VPS37A: variants seen among roughly 807,000 people sequenced by gnomAD.
VPS37A encodes VPS37A subunit of ESCRT-I.
Under a neutral mutation model 49.8 loss-of-function variants are expected in VPS37A, and 30 were observed. That is an observed-to-expected ratio of 0.60 (90% CI 0.45 to 0.82). The LOEUF (loss-of-function observed/expected upper bound fraction) is 0.82, where lower values mean the gene tolerates loss of function less well. Ranked by LOEUF, VPS37A falls within the 40% of genes least tolerant of loss-of-function variation. The pLI is 0.00. For synonymous variants in VPS37A, 195 were observed against 160.6 expected (o/e 1.21, Z -1.62); for missense variants, 593 against 464.4 (o/e 1.28, Z -2.55).
chr8:17,272,812 A>T (rs896417128), intron 4 of VPS37A, among the ~76,000 whole-genome samples: 1 of 151,258 alleles, frequency 6.6e-6, no homozygotes, highest in Non-Finnish European at 1.5e-5. Context: ...CCTGGCTCAA[A>T]ATTCAAAAAG....
At chr8:17,311,726 C>A in the VPS37A span, 1 of 1,571,026 alleles carries the variant, frequency 6.4e-7, no homozygotes, top group Non-Finnish European at 8.6e-7. Flanking sequence ...TGTATATTTA[C>A]AGAAAGAAAC....
chr8:17,307,286 T>A (rs1213033376), downstream of VPS37A, among the ~76,000 whole-genome samples: 1 of 152,094 alleles, frequency 6.6e-6, no homozygotes, highest in African/African-American at 2.4e-5. Context: ...CATGAAAAAA[T>A]GCTCATCATC....
At chr8:17,302,339 C>T, downstream of VPS37A, 2 of 1,550,730 alleles carry the variant, frequency 1.3e-6, no homozygotes, top group Non-Finnish European at 1.7e-6. Context: ...AATTCACATC[C>T]TCAAGTCTTC....
At chr8:17,287,053 C>A (rs1035896215) in intron 11 of VPS37A, among the ~76,000 whole-genome samples, 1 of 152,176 alleles carries the variant, frequency 6.6e-6, no homozygotes, top group African/African-American at 2.4e-5. Context: ...TTTCCCCTTA[C>A]ATTGCGTTGT....
intron 1 of VPS37A, among the ~76,000 whole-genome samples, chr8:17,256,408 T>C (rs1237111177): frequency 6.6e-6 from 1 of 150,924 alleles, no homozygotes; most frequent in East Asian, 2.0e-4. Flanking sequence ...TAACTGGGTT[T>C]ACAGGCGCAC....
chr8:17,280,008 T>G lies in VPS37A; in HGVS notation c.714-20T>G. The G allele has an allele frequency of 6.2e-7, 1 of 1,607,804 alleles. No homozygotes were observed. Among genetic ancestry groups the G allele is most frequent in the Non-Finnish European group, 8.5e-7 (1 of 1,177,138 alleles). On this transcript the variant is annotated intron_variant, in intron 6 of 11. Transcript: ENST00000324849. ...CTCGATGTCTGATATTTATTGACAT[T>G]TTTTCTTTTGTGTTTCTAGTGTGTC...
chr8:17,321,299 G>C, the VPS37A span, among the ~76,000 whole-genome samples: 1 of 152,224 alleles, frequency 6.6e-6, no homozygotes, highest in African/African-American at 2.4e-5. Flanking sequence ...CTGCCAGAGA[G>C]AATGTCCCCA....
chr8:17,280,521 A>G, intron 9 of VPS37A, 78 bp downstream of exon 9: 1 of 1,326,330 alleles, frequency 7.5e-7, no homozygotes, highest in South Asian at 1.4e-5. Flanking sequence ...TCTCACTTTC[A>G]TTATCATCAG....
chr8:17,306,390 G>GA (rs772416803), downstream of VPS37A, among the ~76,000 whole-genome samples: 138 of 146,274 alleles, frequency 9.4e-4, no homozygotes, highest in South Asian at 5.0e-3. Context: ...AAGACAACTT[G>GA]AAAAAAAAAA....
At chr8:17,279,819 T>G (rs762254181) in intron 6 of VPS37A, 21 of 646,142 alleles carry the variant, frequency 3.3e-5, no homozygotes, top group Non-Finnish European at 5.3e-5. Flanking sequence ...TTTTACAGAT[T>G]CTGTCAAGAA....
At chr8:17,305,629 A>G, downstream of VPS37A, 1 of 707,060 alleles carries the variant, frequency 1.4e-6, no homozygotes. Flanking sequence ...AGAAAATAAA[A>G]CTAATCTGTC....
chr8:17,247,002 C>G lies in VPS37A; in HGVS notation c.-243C>G, dbSNP rs927453538. On this transcript the variant is annotated 5_prime_UTR_variant, in exon 1 of 12. Transcript: ENST00000324849. ...TGGCTGGCCGGTTTGGGCGTCTGGG[C>G]CGTGAAGGTGGGACCTCCTGTTCCG... is the stretch of plus-strand genomic sequence containing the variant. 1 of 543,636 alleles carries G rather than the reference C, an allele frequency of 1.8e-6. No homozygotes were observed. The highest frequency in any genetic ancestry group is 2.0e-5 in the African/African-American group (1 of 51,238). The allele number at this position is 543,636 out of a possible 1,614,324, so 33.7% of individuals were successfully genotyped here.
intron 6 of VPS37A, among the ~76,000 whole-genome samples, chr8:17,277,984 C>G (rs1450423175): frequency 6.6e-6 from 1 of 151,408 alleles, no homozygotes; most frequent in Admixed American, 6.6e-5. Flanking sequence ...GTACATACAT[C>G]CATGCGTGTA....
At chr8:17,286,618 G>A in intron 11 of VPS37A, 191 bp downstream of exon 11, 1 of 484,632 alleles carries the variant, frequency 2.1e-6, no homozygotes, top group Non-Finnish European at 3.6e-6. Context: ...GAAATCTTTT[G>A]GATATTTTCT....
At chr8:17,256,548 G>A (rs1326375872) in intron 1 of VPS37A, among the ~76,000 whole-genome samples, 1 of 151,650 alleles carries the variant, frequency 6.6e-6, no homozygotes, top group Non-Finnish European at 1.5e-5. Context: ...TTAATCCTTT[G>A]TCAGATGGAT....
chr8:17,309,652 G>A, the VPS37A span, among the ~76,000 whole-genome samples: 2 of 152,150 alleles, frequency 1.3e-5, no homozygotes, highest in Non-Finnish European at 2.9e-5. Flanking sequence ...CACTCTTTTA[G>A]AAGGGGAAAC....
chr8:17,309,129 G>C, the VPS37A span: 2 of 607,780 alleles, frequency 3.3e-6, no homozygotes, highest in Non-Finnish European at 5.9e-6. Context: ...ATTTATCTAT[G>C]ATATGACATA....
chr8:17,331,301 C>A, the VPS37A span: 1 of 1,566,640 alleles, frequency 6.4e-7, no homozygotes, highest in Non-Finnish European at 8.6e-7. Context: ...GTCAGCAAAA[C>A]AGAACAGTCA....
downstream of VPS37A, chr8:17,302,214 G>A (rs1586130384): frequency 6.2e-7 from 1 of 1,614,034 alleles, no homozygotes; most frequent in East Asian, 2.2e-5. Flanking sequence ...CTGCCATTAG[G>A]TAATCTGTAA....
Sources: allele counts gnomAD v4.1 joint callset (sites outside exome capture counted in the v4.1 genomes callset), GRCh38; gene constraint gnomAD v4.1.1; transcripts MANE v1.5; gene names NCBI Gene and HGNC (gene_info 2026-07-23, HGNC 2026-07-21).